The following NDUFB6 variants were observed in gnomAD, a reference collection of about 807,000 sequenced individuals.
NDUFB6 encodes the protein NADH dehydrogenase [ubiquinone] 1 beta subcomplex subunit 6.
NDUFB6 carries 23 observed loss-of-function variants against 17.5 expected under a neutral mutation model. The observed-to-expected ratio is 1.31, with a 90% CI of 0.94 to 1.86. The LOEUF (loss-of-function observed/expected upper bound fraction) is 1.86. NDUFB6 is among the 40% of genes most tolerant of loss of function. The pLI, the probability that NDUFB6 is intolerant of heterozygous loss-of-function variation, is 0.00. For missense variants in NDUFB6, 167 were observed against 153.8 expected (o/e 1.09, Z -0.46); for synonymous variants, 60 against 53.5 (o/e 1.12, Z -0.53).
chr9:32,568,876 G>A (rs1321809526), intron 2 of NDUFB6, among the ~76,000 whole-genome samples: 11 of 149,612 alleles, frequency 7.4e-5, no homozygotes, highest in Admixed American at 2.0e-4. Flanking sequence ...TCAGCCTCCC[G>A]AGTAGCTGGG....
chr9:32,553,568 CCT>C lies in NDUFB6; in HGVS notation c.*306_*307del, dbSNP rs1821365273. ...ATTGTGATATTTCACTGTTGCATAC[CCT>C]GATACCAAATTAGTGTAAGTACTGT... On this transcript the variant is annotated 3_prime_UTR_variant, in exon 4 of 4. Transcript: ENST00000379847. The C allele has an allele frequency of 3.5e-6, 1 of 285,084 alleles. No individual in the cohort carries two copies. The highest frequency in any genetic ancestry group is 9.8e-5 in the East Asian group (1 of 10,214). The allele number at this position is 285,084 out of a possible 1,614,324, so 17.7% of individuals were successfully genotyped here.
Position 32,571,031 on chromosome 9 carries a change from T to C in NDUFB6, c.202A>G (p.Ser68Gly). 1 of 1,603,914 alleles carries C rather than the reference T, an allele frequency of 6.2e-7. No individual in the cohort carries two copies. The change falls in exon 2 of 4, where the codon AGT becomes GGT. Residue 68 changes from serine (S) to glycine (G), a missense_variant. Coordinates refer to ENST00000379847, the MANE Select transcript of NDUFB6 (RefSeq NM_002493.5). ...RKMVHGVYKK[S>G]IFVFTHVLVP... Reference sequence around the variant, plus strand: ...AGTACATGAGTGAAAACAAAGATACTCTTTTTGTATACCCCATGGACCTGG... The same window carrying C: ...AGTACATGAGTGAAAACAAAGATACCCTTTTTGTATACCCCATGGACCTGG...
intron 2 of NDUFB6, among the ~76,000 whole-genome samples, chr9:32,564,752 G>A (rs928035134): frequency 6.6e-6 from 1 of 152,144 alleles, no homozygotes; most frequent in African/African-American, 2.4e-5. Flanking sequence ...TCTGATAAAT[G>A]GAGCAGGAGC....
Position 32,553,094 on chromosome 9 carries a change from G to A in NDUFB6, c.*782C>T, listed in dbSNP as rs1821345763. The A allele has an allele frequency of 4.0e-6, 2 of 503,792 alleles. No homozygotes were observed. The highest frequency in any genetic ancestry group is 7.0e-6 in the Non-Finnish European group (2 of 285,138). 31.2% of individuals were successfully genotyped at this position (503,792 alleles called of 1,614,324 possible). The stretch of plus-strand genomic sequence containing the variant: ...AGATTTTAGTATTTTACATTCTCAT[G>A]ACAAAATTAACAGCAACCTAAATCT... On this transcript the variant is annotated 3_prime_UTR_variant, in exon 4 of 4. Coordinates refer to ENST00000379847, the MANE Select transcript of NDUFB6 (RefSeq NM_002493.5).
intron 3 of NDUFB6, among the ~76,000 whole-genome samples, 194 bp downstream of exon 3, chr9:32,558,716 T>C (rs916608490): frequency 6.6e-6 from 1 of 152,186 alleles, no homozygotes; most frequent in Non-Finnish European, 1.5e-5. Context: ...CCATTTGAAC[T>C]GTAATTGTTA....
rs1235172142 is a variant in NDUFB6, at chr9:32,572,937, G to T, written c.124C>A (p.Pro42Thr). ...AATTTATTCCAGAATTTCTCCATAG[G>T]CCCCATCTTCTGTGGGGGCAGCACC... ...EPVLPPQKMG[P>T]MEKFWNKFLE... Residue 42 changes from proline (P) to threonine (T), a missense_variant, in exon 1 of 4, where the codon CCT becomes ACT. Physicochemically the swap from Pro to Thr is conservative, Grantham distance 38. Coordinates refer to ENST00000379847, the MANE Select transcript of NDUFB6 (RefSeq NM_002493.5). 11 of 1,607,644 alleles carry T rather than the reference G, an allele frequency of 6.8e-6. No homozygotes were observed. Among genetic ancestry groups the T allele is most frequent in the Non-Finnish European group, 8.5e-6 (10 of 1,176,880 alleles).
At chr9:32,568,797 A>G (rs2119034667) in intron 2 of NDUFB6, among the ~76,000 whole-genome samples, 2 of 128,922 alleles carry the variant, frequency 1.6e-5, no homozygotes, top group Middle Eastern at 6.8e-3. Context: ...GTTGCCCAGG[A>G]TGGAGTGCAG....
At position 32,553,735 on chromosome 9, in the gene NDUFB6, C is replaced by A; in HGVS notation, c.*141G>T. ...TACTTATTGTTAAATTACTCAGTCTCAAATTGTACAATGCTTGAAAACAGA... is the reference window on the plus strand; with the variant it reads ...TACTTATTGTTAAATTACTCAGTCTAAAATTGTACAATGCTTGAAAACAGA... On this transcript the variant is annotated 3_prime_UTR_variant, in exon 4 of 4. Coordinates refer to ENST00000379847, the MANE Select transcript of NDUFB6 (RefSeq NM_002493.5). 1 of 629,408 alleles carries A rather than the reference C, an allele frequency of 1.6e-6. No individual in the cohort carries two copies. Among genetic ancestry groups the A allele is most frequent in the Non-Finnish European group, 2.8e-6 (1 of 356,108 alleles). The allele number at this position is 629,408 out of a possible 1,614,324, so 39.0% of individuals were successfully genotyped here. A position where few individuals can be genotyped will look rare whatever the true frequency, so the allele number is the denominator to read the frequency against.
Position 32,559,026 on chromosome 9 carries a change from C to A in NDUFB6, c.274-72G>T, listed in dbSNP as rs897267702. On this transcript the variant is annotated intron_variant, in intron 2 of 3. Transcript: ENST00000379847. ...TTCTGAAAATAAGAAATAGGTCATA[C>A]CCCAAATTTTAACTTAAGCTCCAAA... The A allele has an allele frequency of 4.6e-6, 5 of 1,093,972 alleles. No individual in the cohort carries two copies. In the Admixed American group the frequency reaches 6.4e-5, roughly 14 times the overall value. 67.8% of individuals were successfully genotyped at this position (1,093,972 alleles called of 1,614,324 possible).
At position 32,573,068 on chromosome 9, in the gene NDUFB6, C is replaced by G; in HGVS notation, c.-8G>C. On this transcript the variant is annotated 5_prime_UTR_variant, in exon 1 of 4. Transcript: ENST00000379847. The stretch of plus-strand genomic sequence containing the variant: ...CGGAGTGTACCCCGTCATGTCGCCG[C>G]TGGTACCAACGCAAAAGGACACGGC... 2 of 1,549,374 alleles carry G rather than the reference C, an allele frequency of 1.3e-6. No individual in the cohort carries two copies. The highest frequency in any genetic ancestry group is 1.7e-6 in the Non-Finnish European group (2 of 1,146,392).
Position 32,573,142 on chromosome 9 carries a change from A to G in NDUFB6, c.-82T>C. 7.2e-7 allele frequency: 1 copy of G among 1,396,838 alleles called. No individual in the cohort carries two copies. The highest frequency in any genetic ancestry group is 9.4e-7 in the Non-Finnish European group (1 of 1,062,926). 86.5% of individuals were successfully genotyped at this position (1,396,838 alleles called of 1,614,324 possible). On this transcript the variant is annotated 5_prime_UTR_variant, in exon 1 of 4. Coordinates refer to ENST00000379847, the MANE Select transcript of NDUFB6 (RefSeq NM_002493.5). ...TACTTAAGCGCGCTCCCGCTCTGCA[A>G]AGCGACCTTGCGGGAACGCCGAGCG...
Position 32,553,013 on chromosome 9 carries a change from GTTTA to G in NDUFB6, c.*859_*862del. On this transcript the variant is annotated 3_prime_UTR_variant, in exon 4 of 4. Transcript: ENST00000379847. ...AAAATTCATAATGCAAAGTTCCCAA[GTTTA>G]TTTTTGCATTATCCTTTATAACAAG... 1 of 590,148 alleles carries G rather than the reference GTTTA, an allele frequency of 1.7e-6. No homozygotes were observed. The highest frequency in any genetic ancestry group is 3.0e-6 in the Non-Finnish European group (1 of 332,156). 36.6% of individuals were successfully genotyped at this position (590,148 alleles called of 1,614,324 possible). A position where few individuals can be genotyped will look rare whatever the true frequency, so the allele number is the denominator to read the frequency against.
rs1821922284 is a variant in NDUFB6 at position 32,570,945 on chromosome 9, A to G, written c.273+15T>C. On this transcript the variant is annotated intron_variant, in intron 2 of 3. Transcript: ENST00000379847. Reference sequence around the variant, plus strand: ...GGACAATATTAAAAATGAATTCTGAAAAGGACATACTTACAGAAACATGAT... The same window carrying G: ...GGACAATATTAAAAATGAATTCTGAGAAGGACATACTTACAGAAACATGAT... 1.3e-6 allele frequency: 2 copies of G among 1,521,294 alleles called. No homozygotes were observed. Among genetic ancestry groups the G allele is most frequent in the Non-Finnish European group, 1.8e-6 (2 of 1,111,970 alleles). The allele number at this position is 1,521,294 out of a possible 1,614,324, so 94.2% of individuals were successfully genotyped here.
At chr9:32,566,943 G>C in intron 2 of NDUFB6, 1 of 528,188 alleles carries the variant, frequency 1.9e-6, no homozygotes, top group Middle Eastern at 4.7e-4. Flanking sequence ...CCTGGCGTGA[G>C]GTGAGCAGCA....
intron 3 of NDUFB6, among the ~76,000 whole-genome samples, chr9:32,555,778 T>C (rs898714960): frequency 7.2e-5 from 11 of 152,170 alleles, no homozygotes; most frequent in African/African-American, 2.7e-4. Context: ...TCTAGGTAGA[T>C]AATGAAAAGA....
At chr9:32,568,904 C>G (rs1428311438) in intron 2 of NDUFB6, among the ~76,000 whole-genome samples, 1 of 151,496 alleles carries the variant, frequency 6.6e-6, no homozygotes, top group Non-Finnish European at 1.5e-5. Flanking sequence ...GCACCCACTA[C>G]TACTCCCAGC....
Position 32,553,548 on chromosome 9 carries a change from G to C in NDUFB6, c.*328C>G. On this transcript the variant is annotated 3_prime_UTR_variant, in exon 4 of 4. Coordinates refer to ENST00000379847, the MANE Select transcript of NDUFB6 (RefSeq NM_002493.5). ...TGCTGTTCTTACATTTGTTTATTGT[G>C]ATATTTCACTGTTGCATACCCTGAT... 4.5e-6 allele frequency: 1 copy of C among 222,832 alleles called. No homozygotes were observed. The highest frequency in any genetic ancestry group is 8.9e-6 in the Non-Finnish European group (1 of 112,456). 13.8% of individuals were successfully genotyped at this position (222,832 alleles called of 1,614,324 possible). A position where few individuals can be genotyped will look rare whatever the true frequency, so the allele number is the denominator to read the frequency against.
chr9:32,562,019 T>C (rs1425660560), intron 2 of NDUFB6, among the ~76,000 whole-genome samples: 1 of 152,216 alleles, frequency 6.6e-6, no homozygotes, highest in Non-Finnish European at 1.5e-5. Flanking sequence ...GCCTATCACA[T>C]GCAGTTCAAC....
chr9:32,566,070 CA>C (rs60006624), intron 2 of NDUFB6: 172,034 of 338,208 alleles, frequency 0.51, 28,567 homozygotes, highest in African/African-American at 0.62. Context: ...CTGGAGTGAC[CA>C]AAAAAAAAAA....
Sources: allele counts gnomAD v4.1 joint callset (sites outside exome capture counted in the v4.1 genomes callset), GRCh38; gene constraint gnomAD v4.1.1; transcripts MANE v1.5; gene names NCBI Gene and HGNC (gene_info 2026-07-23, HGNC 2026-07-21).